The following TMEM132D variants were observed in gnomAD, a reference collection of about 807,000 sequenced individuals.
TMEM132D encodes the protein transmembrane protein 132D, also known as mature OL transmembrane protein.
In TMEM132D, 21 loss-of-function variants were observed where a neutral mutation model predicts 62.3. The observed-to-expected ratio is 0.34, with a 90% CI of 0.24 to 0.49. The LOEUF is 0.49. Among genes scored for constraint, TMEM132D ranks in the 20% least tolerant of loss-of-function variants. The pLI is 0.99. For missense variants in TMEM132D, 1,346 were observed against 1,402.8 expected (o/e 0.96, Z 0.65); for synonymous variants, 621 against 575.6 (o/e 1.08, Z -1.13).
intron 1 of TMEM132D, among the ~76,000 whole-genome samples, chr12:129,702,806 C>T (rs941890200): frequency 2.6e-5 from 4 of 152,212 alleles, no homozygotes; most frequent in African/African-American, 9.6e-5. Context: ...TTGATAAACA[C>T]GTGAATGAAT....
At chr12:129,295,551 C>A (rs1359937828) in intron 4 of TMEM132D, among the ~76,000 whole-genome samples, 1 of 150,732 alleles carries the variant, frequency 6.6e-6, no homozygotes, top group Non-Finnish European at 1.5e-5. Context: ...CTGCCTCAGT[C>A]TCCCAAGTAG....
At chr12:129,777,924 A>G (rs551938660) in intron 1 of TMEM132D, among the ~76,000 whole-genome samples, 1 of 152,254 alleles carries the variant, frequency 6.6e-6, no homozygotes, top group South Asian at 2.1e-4. Flanking sequence ...ACTTGAGCCC[A>G]GGAGTTCAAG....
At chr12:129,617,417 G>A (rs181464581) in intron 2 of TMEM132D, among the ~76,000 whole-genome samples, 1 of 152,276 alleles carries the variant, frequency 6.6e-6, no homozygotes, top group Non-Finnish European at 1.5e-5. Flanking sequence ...GTTCATCCAT[G>A]AGATGGTGTC....
At chr12:129,590,598 C>T (rs896192023) in intron 2 of TMEM132D, among the ~76,000 whole-genome samples, 3 of 152,144 alleles carry the variant, frequency 2.0e-5, no homozygotes, top group African/African-American at 7.2e-5. Context: ...GTGAGAAGAT[C>T]GCTCAGAAGA....
chr12:129,891,404 CTATT>C (rs1874919899), intron 1 of TMEM132D, among the ~76,000 whole-genome samples: 1 of 152,210 alleles, frequency 6.6e-6, no homozygotes, highest in Non-Finnish European at 1.5e-5. Context: ...AGCAAGACCT[CTATT>C]CATGAAGACT....
At chr12:129,440,743 C>T (rs1161757168) in intron 3 of TMEM132D, among the ~76,000 whole-genome samples, 1 of 152,134 alleles carries the variant, frequency 6.6e-6, no homozygotes, top group Non-Finnish European at 1.5e-5. Context: ...CCCTCTCGAA[C>T]GCTGACAATG....
intron 2 of TMEM132D, among the ~76,000 whole-genome samples, chr12:129,535,492 T>C (rs566760444): frequency 6.6e-6 from 1 of 152,326 alleles, no homozygotes; most frequent in East Asian, 1.9e-4. Flanking sequence ...TCTATAAATT[T>C]GAGTTCATTA....
intron 3 of TMEM132D, among the ~76,000 whole-genome samples, chr12:129,409,724 TAA>T (rs1373683179): frequency 6.6e-6 from 1 of 152,194 alleles, no homozygotes; most frequent in Non-Finnish European, 1.5e-5. Context: ...CAGTAAAGAG[TAA>T]ATACACATAT....
At chr12:129,083,067 T>A (rs1874505180) in intron 6 of TMEM132D, among the ~76,000 whole-genome samples, 1 of 152,192 alleles carries the variant, frequency 6.6e-6, no homozygotes, top group Non-Finnish European at 1.5e-5. Context: ...GGGGATAAGT[T>A]TTAAACCACT....
At chr12:129,554,115 C>T (rs1473351183) in intron 2 of TMEM132D, among the ~76,000 whole-genome samples, 1 of 152,116 alleles carries the variant, frequency 6.6e-6, no homozygotes, top group African/African-American at 2.4e-5. Context: ...GTGATTATGT[C>T]CCTTCCACAG....
intron 4 of TMEM132D, among the ~76,000 whole-genome samples, chr12:129,218,506 G>A (rs1256730037): frequency 6.6e-6 from 1 of 151,568 alleles, no homozygotes; most frequent in Non-Finnish European, 1.5e-5. Context: ...ACCATGGTAA[G>A]TATTTGTGTA....
At chr12:129,183,284 T>C (rs1412922226) in intron 5 of TMEM132D, among the ~76,000 whole-genome samples, 1 of 152,212 alleles carries the variant, frequency 6.6e-6, no homozygotes, top group African/African-American at 2.4e-5. Context: ...GAGTCCTTCA[T>C]GTCACAGGGG....
chr12:129,178,388 A>G (rs1806514043), intron 5 of TMEM132D, among the ~76,000 whole-genome samples: 1 of 151,274 alleles, frequency 6.6e-6, no homozygotes, highest in Non-Finnish European at 1.5e-5. Flanking sequence ...ACTCCCACCA[A>G]CAATATAAAA....
intron 4 of TMEM132D, among the ~76,000 whole-genome samples, chr12:129,307,154 G>A (rs975991619): frequency 6.6e-6 from 1 of 151,374 alleles, no homozygotes; most frequent in African/African-American, 2.4e-5. Flanking sequence ...TAAACTTAGT[G>A]CTACTAGTTC....
intron 4 of TMEM132D, among the ~76,000 whole-genome samples, chr12:129,303,910 G>A (rs1001171941): frequency 5.3e-5 from 8 of 152,134 alleles, no homozygotes; most frequent in Non-Finnish European, 1.2e-4. Flanking sequence ...GGCAGGAGAC[G>A]ATGGAAGTCC....
chr12:129,469,727 A>G (rs763437273), intron 3 of TMEM132D, among the ~76,000 whole-genome samples: 8 of 152,180 alleles, frequency 5.3e-5, no homozygotes, highest in Non-Finnish European at 1.2e-4. Context: ...AGAAAACAGA[A>G]TGGACAGACT....
At chr12:129,789,867 A>T (rs1189292722) in intron 1 of TMEM132D, among the ~76,000 whole-genome samples, 1 of 152,242 alleles carries the variant, frequency 6.6e-6, no homozygotes. Flanking sequence ...CAAACAATTT[A>T]ATCTTTCTAA....
intron 4 of TMEM132D, among the ~76,000 whole-genome samples, chr12:129,220,275 G>A (rs1405434860): frequency 1.3e-5 from 2 of 152,058 alleles, no homozygotes; most frequent in South Asian, 2.1e-4. Flanking sequence ...CAGACAGATG[G>A]TTCTAGAACC....
chr12:129,336,497 G>A (rs77770565), intron 4 of TMEM132D, among the ~76,000 whole-genome samples: 9,210 of 151,912 alleles, frequency 0.061, 394 homozygotes, highest in Middle Eastern at 0.096. Context: ...AATCAACCCC[G>A]GACGGCAAAG....
Sources: gnomAD v4.1 joint callset for allele counts (sites outside exome capture counted in the v4.1 genomes callset) on GRCh38, gnomAD v4.1.1 for gene constraint, MANE v1.5 for transcripts, NCBI Gene and HGNC (gene_info 2026-07-23, HGNC 2026-07-21) for gene names.